Variants in HS6ST3 observed in about 807,000 individuals in gnomAD.
HS6ST3 encodes heparan-sulfate 6-O-sulfotransferase 3.
A neutral mutation model predicts 36.7 loss-of-function variants in HS6ST3; 12 were observed. That is an observed-to-expected ratio of 0.33 (90% CI 0.21 to 0.53). HS6ST3 has a LOEUF of 0.53. HS6ST3 is among the 20% of genes least tolerant of loss of function. The pLI is 0.95. For synonymous variants in HS6ST3, 240 were observed against 257.5 expected (o/e 0.93, Z 0.65); for missense variants, 584 against 640.9 (o/e 0.91, Z 0.96).
chr13:96,337,723 G>T (rs541140197), intron 1 of HS6ST3, among the ~76,000 whole-genome samples: 14 of 152,110 alleles, frequency 9.2e-5, no homozygotes, highest in African/African-American at 2.4e-4. Flanking sequence ...ACCATTAAAA[G>T]AAAATATTTT....
chr13:96,829,214 A>T (rs551798467), intron 1 of HS6ST3, among the ~76,000 whole-genome samples: 1 of 152,276 alleles, frequency 6.6e-6, no homozygotes, highest in African/African-American at 2.4e-5. Context: ...TCTGCTTCAA[A>T]CCTGTCCTGA....
chr13:96,796,849 A>G (rs1877924304), intron 1 of HS6ST3, among the ~76,000 whole-genome samples: 1 of 152,092 alleles, frequency 6.6e-6, no homozygotes, highest in Non-Finnish European at 1.5e-5. Flanking sequence ...GTGATAGAGT[A>G]GATGAGCATT....
intron 1 of HS6ST3, among the ~76,000 whole-genome samples, chr13:96,731,789 G>A (rs1876160937): frequency 6.6e-6 from 1 of 151,852 alleles, no homozygotes; most frequent in Non-Finnish European, 1.5e-5. Flanking sequence ...CCTGGTAGCT[G>A]GGACTACAGG....
intron 1 of HS6ST3, among the ~76,000 whole-genome samples, chr13:96,401,231 T>G (rs1378240325): frequency 6.6e-6 from 1 of 152,202 alleles, no homozygotes; most frequent in African/African-American, 2.4e-5. Flanking sequence ...TTTGTTACTA[T>G]TGAACATCAT....
intron 1 of HS6ST3, among the ~76,000 whole-genome samples, chr13:96,618,528 T>G (rs1296384827): frequency 6.6e-6 from 1 of 152,186 alleles, no homozygotes; most frequent in African/African-American, 2.4e-5. Context: ...TTGGGGCCCT[T>G]ATTTGCATAG....
chr13:96,176,082 G>A (rs529622006), intron 1 of HS6ST3, among the ~76,000 whole-genome samples: 58 of 152,202 alleles, frequency 3.8e-4, no homozygotes, highest in Non-Finnish European at 7.4e-4. Context: ...ACCTGCCTCC[G>A]CCTCTCAAGG....
At chr13:96,351,434 C>T (rs1430701226) in intron 1 of HS6ST3, among the ~76,000 whole-genome samples, 1 of 151,458 alleles carries the variant, frequency 6.6e-6, no homozygotes, top group Non-Finnish European at 1.5e-5. Context: ...TGATCAGCCT[C>T]CTGAGAAGCT....
intron 1 of HS6ST3, among the ~76,000 whole-genome samples, chr13:96,299,411 A>G (rs1415992515): frequency 2.6e-5 from 4 of 152,142 alleles, no homozygotes; most frequent in Non-Finnish European, 5.9e-5. Context: ...GATCCAGTTC[A>G]TAGAGGGCTC....
intron 1 of HS6ST3, among the ~76,000 whole-genome samples, chr13:96,179,779 C>T (rs1216402281): frequency 7.5e-6 from 1 of 133,186 alleles, no homozygotes; most frequent in Non-Finnish European, 1.6e-5. Flanking sequence ...GTAATTTTTT[C>T]CCACCTTTCA....
At chr13:96,436,936 G>A (rs776179834) in intron 1 of HS6ST3, among the ~76,000 whole-genome samples, 7 of 150,950 alleles carry the variant, frequency 4.6e-5, no homozygotes, top group Non-Finnish European at 8.8e-5. Flanking sequence ...GTTCTAGGTG[G>A]AGGGCATTAA....
At chr13:96,812,740 G>A (rs1354769793) in intron 1 of HS6ST3, among the ~76,000 whole-genome samples, 1 of 151,906 alleles carries the variant, frequency 6.6e-6, no homozygotes, top group Non-Finnish European at 1.5e-5. Flanking sequence ...ATCTTTTCCT[G>A]TTTTAGATAT....
chr13:96,792,901 C>G (rs917883206), intron 1 of HS6ST3, among the ~76,000 whole-genome samples: 1 of 151,976 alleles, frequency 6.6e-6, no homozygotes, highest in African/African-American at 2.4e-5. Context: ...ATGGTTTATA[C>G]CTGGGAAACA....
chr13:96,758,945 C>G (rs1470163877), intron 1 of HS6ST3, among the ~76,000 whole-genome samples: 1 of 151,692 alleles, frequency 6.6e-6, no homozygotes, highest in African/African-American at 2.4e-5. Context: ...TCCTGAATTT[C>G]TCTATTTTTC....
chr13:96,677,903 G>C (rs1218724906), intron 1 of HS6ST3, among the ~76,000 whole-genome samples: 2 of 152,052 alleles, frequency 1.3e-5, no homozygotes, highest in Admixed American at 6.6e-5. Context: ...TATTTTTAGA[G>C]CTCGGGCCTG....
At chr13:96,369,859 C>T (rs1381077699) in intron 1 of HS6ST3, among the ~76,000 whole-genome samples, 1 of 151,674 alleles carries the variant, frequency 6.6e-6, no homozygotes, top group Admixed American at 6.6e-5. Flanking sequence ...TTCAGAAGAT[C>T]TTTTTTTTAA....
intron 1 of HS6ST3, among the ~76,000 whole-genome samples, chr13:96,814,958 A>G (rs2138537737): frequency 6.6e-6 from 1 of 152,288 alleles, no homozygotes; most frequent in African/African-American, 2.4e-5. Context: ...TATTTATTGA[A>G]AAGACTCAGT....
intron 1 of HS6ST3, among the ~76,000 whole-genome samples, chr13:96,440,848 AC>A (rs1204139248): frequency 2.6e-5 from 4 of 152,122 alleles, no homozygotes; most frequent in African/African-American, 9.7e-5. Flanking sequence ...TAATCCCTTT[AC>A]CCCCTACCTT....
intron 1 of HS6ST3, among the ~76,000 whole-genome samples, chr13:96,435,620 G>A (rs968470400): frequency 2.0e-5 from 3 of 152,166 alleles, no homozygotes; most frequent in Non-Finnish European, 4.4e-5. Context: ...CATAGTACTA[G>A]GAAGCCCTCG....
chr13:96,575,009 C>A (rs1594810198), intron 1 of HS6ST3, among the ~76,000 whole-genome samples: 1 of 152,060 alleles, frequency 6.6e-6, no homozygotes, highest in African/African-American at 2.4e-5. Context: ...TGAATACAAC[C>A]CTGATGATAC....
Sources: allele counts gnomAD v4.1 joint callset (sites outside exome capture counted in the v4.1 genomes callset), GRCh38; gene constraint gnomAD v4.1.1; transcripts MANE v1.5; gene names NCBI Gene and HGNC (gene_info 2026-07-23, HGNC 2026-07-21).